The following CCDC171 variants were observed in gnomAD, a reference collection of about 807,000 sequenced individuals.
The protein encoded by CCDC171 is coiled-coil domain containing 171, also known as coiled-coil domain-containing protein 171.
Under a neutral mutation model 168.2 loss-of-function variants are expected in CCDC171, and 177 were observed. That is an observed-to-expected ratio of 1.05 (90% CI 0.93 to 1.19). The LOEUF is 1.19. Ranked by LOEUF, CCDC171 falls within the 50% of genes most tolerant of loss-of-function variation. CCDC171 has a pLI of 0.00. For missense variants in CCDC171, 1,991 were observed against 1,539.0 expected, an observed-to-expected ratio of 1.29 and a Z score of -4.91; for synonymous variants, 687 against 540.8, an observed-to-expected ratio of 1.27 and a Z score of -3.75.
At chr9:15,999,819 T>C (rs117157806) in intron 3 of CCDC171, among the ~76,000 whole-genome samples, 74 of 152,262 alleles carry the variant, frequency 4.9e-4, no homozygotes, top group Non-Finnish European at 8.2e-4. Context: ...CCACAACTTA[T>C]CTGGAGACGG....
chr9:15,848,784 AC>A, intron 22 of CCDC171, 108 bp from the exon 23 acceptor site: 1 of 529,788 alleles, frequency 1.9e-6, no homozygotes, highest in South Asian at 3.1e-5. Flanking sequence ...TAAAAGGAGA[AC>A]AGTGATATCA....
At chr9:15,843,964 ACAGT>A (rs2060794933) in intron 21 of CCDC171, among the ~76,000 whole-genome samples, 2 of 152,154 alleles carry the variant, frequency 1.3e-5, no homozygotes, top group Admixed American at 1.3e-4. Flanking sequence ...ATATCAGGTG[ACAGT>A]CAGGAGAGTT....
intron 25 of CCDC171, among the ~76,000 whole-genome samples, chr9:15,944,890 T>C (rs1397531134): frequency 6.6e-6 from 1 of 151,588 alleles, no homozygotes; most frequent in African/African-American, 2.4e-5. Context: ...CTTTCTTTTT[T>C]ATCATTATAC....
At chr9:15,964,125 C>T (rs1830586801) in intron 25 of CCDC171, among the ~76,000 whole-genome samples, 1 of 152,102 alleles carries the variant, frequency 6.6e-6, no homozygotes, top group Non-Finnish European at 1.5e-5. Flanking sequence ...TTTATATTGC[C>T]CTATCAGAGG....
intron 23 of CCDC171, among the ~76,000 whole-genome samples, chr9:15,857,883 T>C (rs2061407020): frequency 6.6e-6 from 1 of 152,038 alleles, no homozygotes; most frequent in African/African-American, 2.4e-5. Flanking sequence ...TCCATAGAAC[T>C]CTATGTCTGT....
chr9:15,734,547 A>AAAATAAAT (rs139699577), intron 16 of CCDC171, among the ~76,000 whole-genome samples: 6 of 152,084 alleles, frequency 3.9e-5, no homozygotes, highest in Non-Finnish European at 7.4e-5. Context: ...ACTCCATTTA[A>AAAATAAAT]AAATAAATAA....
chr9:15,556,977 A>G lies in CCDC171; in HGVS notation c.-112+3675A>G, dbSNP rs13301927. Among the ~76,000 whole-genome samples, 341 of 152,138 alleles carry G rather than the reference A, an allele frequency of 2.2e-3. 11 individuals carry two copies. Among genetic ancestry groups the G allele is most frequent in the Admixed American group, 0.021 (317 of 15,280 alleles). ...TGCATATGGCTAGCCAGTTTTCCCA[A>G]CACCATTTATTAAATAGGGAATCCT... On this transcript the variant is annotated intron_variant, in intron 1 of 25. Coordinates refer to ENST00000380701, the MANE Select transcript of CCDC171 (RefSeq NM_173550.4).
At chr9:15,738,492 C>T (rs147801243) in intron 16 of CCDC171, among the ~76,000 whole-genome samples, 151 of 152,052 alleles carry the variant, frequency 9.9e-4, no homozygotes, top group African/African-American at 3.2e-3. Context: ...TATTATTTTT[C>T]GAAATTAAAC....
At chr9:15,975,381 AT>A (rs1004304825), downstream of CCDC171, among the ~76,000 whole-genome samples, 12 of 152,146 alleles carry the variant, frequency 7.9e-5, no homozygotes, top group Admixed American at 1.3e-4. Context: ...AGAAAAAAAA[AT>A]TTTTTTTAAT....
At chr9:16,010,488 G>A (rs1040844962) in intron 3 of CCDC171, among the ~76,000 whole-genome samples, 2 of 152,092 alleles carry the variant, frequency 1.3e-5, no homozygotes, top group African/African-American at 4.8e-5. Context: ...AATCAGTGAG[G>A]AAGCTGGAAG....
chr9:15,890,294 A>G (rs1183575328), intron 24 of CCDC171, among the ~76,000 whole-genome samples: 1 of 152,150 alleles, frequency 6.6e-6, no homozygotes, highest in Non-Finnish European at 1.5e-5. Context: ...TTTAGAGATG[A>G]ATGAAATTTG....
chr9:16,098,784 C>T, the CCDC171 span, among the ~76,000 whole-genome samples: 2 of 152,134 alleles, frequency 1.3e-5, no homozygotes, highest in African/African-American at 4.8e-5. Flanking sequence ...ATGGAATATT[C>T]CCCCTTTGAA....
intron 3 of CCDC171, among the ~76,000 whole-genome samples, chr9:15,987,293 G>A (rs984480354): frequency 2.0e-5 from 3 of 152,118 alleles, no homozygotes; most frequent in African/African-American, 7.2e-5. Context: ...GGAGGAGGGT[G>A]AGGATTGAAA....
chr9:15,754,368 A>G (rs1022910437), intron 18 of CCDC171, among the ~76,000 whole-genome samples: 1 of 152,132 alleles, frequency 6.6e-6, no homozygotes, highest in Non-Finnish European at 1.5e-5. Context: ...AAATGAAGAT[A>G]TTATCTTCCT....
At chr9:15,600,346 C>A (rs1171452624) in intron 6 of CCDC171, among the ~76,000 whole-genome samples, 4 of 152,042 alleles carry the variant, frequency 2.6e-5, no homozygotes, top group Non-Finnish European at 4.4e-5. Context: ...GTTAGTTTTC[C>A]TTCTAACAGT....
In CCDC171 at chr9:15,564,114, C is replaced by T. The variant is rs551185670; in HGVS notation, c.26C>T (p.Thr9Ile). MNLNTSSNTGDTQRLKIAS... is the reference protein window; with the variant it reads MNLNTSSNIGDTQRLKIAS... ...ATGAATTTGAATACTTCAAGTAATACTGGTGATACCCAAAGGTAAGCCTCT... is the reference window on the plus strand; with the variant it reads ...ATGAATTTGAATACTTCAAGTAATATTGGTGATACCCAAAGGTAAGCCTCT... The change falls in exon 2 of 26, where the codon ACT becomes ATT. Residue 9 changes from threonine to isoleucine, a missense_variant. Transcript: ENST00000380701. 8 of 1,608,080 alleles carry T rather than the reference C, an allele frequency of 5.0e-6. No individual in the cohort carries two copies. Among genetic ancestry groups the T allele is most frequent in the Non-Finnish European group, 5.9e-6 (7 of 1,176,920 alleles).
chr9:15,561,458 A>C (rs1464194334), intron 1 of CCDC171, among the ~76,000 whole-genome samples: 2 of 152,212 alleles, frequency 1.3e-5, no homozygotes, highest in African/African-American at 4.8e-5. Flanking sequence ...CAAATTGTGT[A>C]TTTTAACTTT....
At chr9:16,013,820 A>C (rs1832942086) in intron 3 of CCDC171, among the ~76,000 whole-genome samples, 1 of 152,238 alleles carries the variant, frequency 6.6e-6, no homozygotes, top group African/African-American at 2.4e-5. Context: ...TTATGTCTTT[A>C]AAAATGCAGA....
chr9:15,650,686 A>C (rs544522477), intron 7 of CCDC171, among the ~76,000 whole-genome samples: 7 of 152,288 alleles, frequency 4.6e-5, no homozygotes, highest in African/African-American at 1.7e-4. Flanking sequence ...TTTTCCTAAT[A>C]AAGTCCTTTG....
Sources: gnomAD v4.1 joint callset for allele counts (sites outside exome capture counted in the v4.1 genomes callset) on GRCh38, gnomAD v4.1.1 for gene constraint, MANE v1.5 for transcripts, NCBI Gene and HGNC (gene_info 2026-07-23, HGNC 2026-07-21) for gene names.